The following BICDL1 variants were observed in gnomAD, a reference collection of about 807,000 sequenced individuals.
The protein encoded by BICDL1 is BICD family like cargo adaptor 1, also known as BICD family-like cargo adapter 1.
A neutral mutation model predicts 76.8 loss-of-function variants in BICDL1; 20 were observed. That is an observed-to-expected ratio of 0.26 (90% CI 0.18 to 0.38). BICDL1 has a LOEUF of 0.38. Among genes scored for constraint, BICDL1 ranks in the 10% least tolerant of loss-of-function variants. BICDL1 has a pLI of 1.00. For synonymous variants in BICDL1, 383 were observed against 337.1 expected (o/e 1.14, Z -1.49); for missense variants, 700 against 798.6 (o/e 0.88, Z 1.49).
At chr12:120,074,853 G>A (rs1873409264) in intron 7 of BICDL1, among the ~76,000 whole-genome samples, 1 of 152,224 alleles carries the variant, frequency 6.6e-6, no homozygotes, top group Admixed American at 6.5e-5. Flanking sequence ...CAGAGCCAAA[G>A]TTAATCTGAC....
At chr12:120,056,649 A>G (rs1159597404) in intron 2 of BICDL1, among the ~76,000 whole-genome samples, 1 of 152,104 alleles carries the variant, frequency 6.6e-6, no homozygotes. Context: ...CCTGGGAGGC[A>G]GAGGTTGCAG....
At chr12:120,087,421 T>G (rs1036974505) in intron 8 of BICDL1, among the ~76,000 whole-genome samples, 1 of 152,226 alleles carries the variant, frequency 6.6e-6, no homozygotes, top group Non-Finnish European at 1.5e-5. Flanking sequence ...GAAGTGCTGG[T>G]CGCAGCAGTG....
At chr12:120,028,900 C>T (rs1952364093) in intron 2 of BICDL1, among the ~76,000 whole-genome samples, 1 of 151,976 alleles carries the variant, frequency 6.6e-6, no homozygotes, top group Admixed American at 6.6e-5. Flanking sequence ...TGAAGGAGGC[C>T]ACAAAGAGTT....
In BICDL1 at chr12:119,989,286, GGCCCCTGCAGCAGCAGCAGCCGCCGTC is replaced by G. The variant is rs1208003041; in HGVS notation, c.-579_-553del. Among the ~76,000 whole-genome samples the G allele has an allele frequency of 1.4e-5, 2 of 147,750 alleles. No individual in the cohort carries two copies. Among genetic ancestry groups the G allele is most frequent in the African/African-American group, 2.6e-5 (1 of 39,104 alleles). On this transcript the variant is annotated 5_prime_UTR_variant, in exon 1 of 10. Coordinates refer to ENST00000548673, the MANE Select transcript of BICDL1 (RefSeq NM_001367886.1). ...GCGCGCGATGTGGAGCCGCCGCCTC[GGCCCCTGCAGCAGCAGCAGCCGCCGTC>G]GCCGCCGCTGCTGCTGGGGCTGCCG...
intron 2 of BICDL1, among the ~76,000 whole-genome samples, chr12:120,034,370 A>G (rs1952489588): frequency 6.6e-6 from 1 of 152,228 alleles, no homozygotes; most frequent in African/African-American, 2.4e-5. Flanking sequence ...CACTAAAATT[A>G]ACACAGAGGG....
At chr12:120,009,587 A>T (rs953035989) in intron 2 of BICDL1, among the ~76,000 whole-genome samples, 5 of 152,160 alleles carry the variant, frequency 3.3e-5, no homozygotes, top group Non-Finnish European at 7.3e-5. Context: ...TGTAGGAGAG[A>T]TAAAAATAGA....
intron 2 of BICDL1, chr12:120,019,275 T>C (rs1228995163): frequency 6.6e-6 from 1 of 151,972 alleles, no homozygotes; most frequent in Non-Finnish European, 1.5e-5. Context: ...AAAAAAAAAG[T>C]CTATCTGGCT....
At chr12:119,996,182 T>TA (rs1951641934) in intron 1 of BICDL1, among the ~76,000 whole-genome samples, 1 of 152,184 alleles carries the variant, frequency 6.6e-6, no homozygotes, top group African/African-American at 2.4e-5. Flanking sequence ...GTTGTCTCCT[T>TA]AAAGTTGTCA....
In BICDL1 at chr12:120,090,039, CTG is replaced by C; in HGVS notation, c.1673_1674del (p.Leu558GlnfsTer12). ...GTTGCTGGATGCCATTCAGCAGAAA[CTG>C]AACCTCTCGCAGCAGCTGGAAGCTT... ...SQLLDAIQQK[L>X]NLSQQLEAWQ... is the part of the protein sequence containing the mutation. On this transcript the variant is annotated frameshift_variant, in exon 9 of 10. Transcript: ENST00000548673. LOFTEE classifies it high-confidence loss of function. 6.2e-7 allele frequency: 1 copy of C among 1,614,158 alleles called. No individual in the cohort carries two copies. Among genetic ancestry groups the C allele is most frequent in the Non-Finnish European group, 8.5e-7 (1 of 1,180,012 alleles).
At chr12:120,064,611 A>G (rs1344328108) in intron 3 of BICDL1, 122 bp from the exon 4 acceptor site, 4 of 902,264 alleles carry the variant, frequency 4.4e-6, no homozygotes, top group African/African-American at 3.5e-5. Context: ...AGATGGGGGT[A>G]CCGTGACATT....
chr12:119,993,452 TC>T (rs1951569999), intron 1 of BICDL1: 1 of 152,190 alleles, frequency 6.6e-6, no homozygotes, highest in Admixed American at 6.5e-5. Context: ...TTTAAAGTCT[TC>T]AGTGGTTTAA....
chr12:120,023,928 G>A (rs747907108), intron 2 of BICDL1, among the ~76,000 whole-genome samples: 1 of 152,154 alleles, frequency 6.6e-6, no homozygotes, highest in African/African-American at 2.4e-5. Context: ...GAACAGGAGA[G>A]TTCTTAGAAC....
Position 119,998,647 on chromosome 12 carries a change from A to G in BICDL1, c.556A>G (p.Ile186Val), listed in dbSNP as rs1259231638. 2 of 1,614,182 alleles carry G rather than the reference A, an allele frequency of 1.2e-6. No homozygotes were observed. Among genetic ancestry groups the G allele is most frequent in the Non-Finnish European group, 1.7e-6 (2 of 1,180,042 alleles). The change falls in exon 2 of 10, where the codon ATT becomes GTT. Residue 186 changes from isoleucine (I) to valine (V), a missense_variant. Coordinates refer to ENST00000548673, the MANE Select transcript of BICDL1 (RefSeq NM_001367886.1). ...QLQDELERQQ[I>V]HLREADREKS... The stretch of plus-strand genomic sequence containing the variant: ...ACAGGATGAGTTGGAGAGGCAGCAG[A>G]TTCATCTGCGGGAAGCAGATCGAGA...
intron 2 of BICDL1, among the ~76,000 whole-genome samples, chr12:120,025,802 A>G (rs886601247): frequency 2.6e-5 from 4 of 151,976 alleles, no homozygotes; most frequent in African/African-American, 9.7e-5. Flanking sequence ...ATTGTGGTAT[A>G]TATTTCTATA....
At chr12:120,019,557 G>A (rs141233113) in intron 2 of BICDL1, among the ~76,000 whole-genome samples, 17 of 152,254 alleles carry the variant, frequency 1.1e-4, no homozygotes, top group Non-Finnish European at 2.1e-4. Flanking sequence ...TAACAGAGAT[G>A]TGGCATTACA....
At chr12:119,997,796 G>A (rs1951680557) in intron 1 of BICDL1, among the ~76,000 whole-genome samples, 1 of 151,980 alleles carries the variant, frequency 6.6e-6, no homozygotes, top group African/African-American at 2.4e-5. Context: ...GATAATAGGT[G>A]ACTCCAAAGG....
At chr12:120,045,910 A>G (rs1441045161) in intron 2 of BICDL1, among the ~76,000 whole-genome samples, 6 of 108,444 alleles carry the variant, frequency 5.5e-5, no homozygotes, top group Non-Finnish European at 8.6e-5. Flanking sequence ...CCTAAAACTT[A>G]AAGTATTATA....
chr12:120,054,752 C>T (rs901082153), intron 2 of BICDL1, among the ~76,000 whole-genome samples: 1 of 152,092 alleles, frequency 6.6e-6, no homozygotes, highest in Admixed American at 6.5e-5. Context: ...TGGTGGCACA[C>T]ACCTGTGGTC....
chr12:120,014,130 GT>G (rs1952013599), intron 2 of BICDL1, among the ~76,000 whole-genome samples: 1 of 152,142 alleles, frequency 6.6e-6, no homozygotes, highest in South Asian at 2.1e-4. Flanking sequence ...AAGTAATTCT[GT>G]TTACTTAAAC....
Sources: gnomAD v4.1 joint callset for allele counts (sites outside exome capture counted in the v4.1 genomes callset) on GRCh38, gnomAD v4.1.1 for gene constraint, MANE v1.5 for transcripts, NCBI Gene and HGNC (gene_info 2026-07-23, HGNC 2026-07-21) for gene names.